Variants in PRR11 observed in about 807,000 individuals in gnomAD.
PRR11 encodes the protein proline-rich protein 11.
In PRR11, 30 loss-of-function variants were observed where a neutral mutation model predicts 45.6. That is an observed-to-expected ratio of 0.66 (90% CI 0.49 to 0.89). The LOEUF (loss-of-function observed/expected upper bound fraction) is 0.89. PRR11 is among the 40% of genes least tolerant of loss of function. The pLI, the probability that PRR11 is intolerant of heterozygous loss-of-function variation, is 0.00. For synonymous variants in PRR11, 128 were observed against 153.5 expected, an observed-to-expected ratio of 0.83 and a Z score of 1.23; for missense variants, 373 against 424.8, an observed-to-expected ratio of 0.88 and a Z score of 1.07.
intron 2 of PRR11, 34 bp from the exon 3 acceptor site, chr17:59,185,020 G>C (rs771179976): frequency 6.3e-7 from 1 of 1,599,392 alleles, no homozygotes; most frequent in Non-Finnish European, 8.5e-7. Context: ...TGACTTAGGG[G>C]TTTTTTATTT....
At chr17:59,193,412 A>G (rs2046848749) in intron 4 of PRR11, 80 bp from the exon 5 acceptor site, 2 of 1,518,138 alleles carry the variant, frequency 1.3e-6, no homozygotes, top group South Asian at 2.3e-5. Context: ...AATACATGGT[A>G]GCTATTATTT....
intron 4 of PRR11, 142 bp downstream of exon 4, chr17:59,185,704 G>A: frequency 1.4e-6 from 1 of 708,850 alleles, no homozygotes; most frequent in Non-Finnish European, 2.3e-6. Context: ...TTGTTAGCAA[G>A]GAATACAAAG....
At chr17:59,195,636 A>G (rs1184693173) in intron 7 of PRR11, among the ~76,000 whole-genome samples, 193 bp downstream of exon 7, 7 of 152,236 alleles carry the variant, frequency 4.6e-5, no homozygotes, top group African/African-American at 1.7e-4. Context: ...AAATAATCCT[A>G]TCACTGGAGA....
intron 2 of PRR11, among the ~76,000 whole-genome samples, chr17:59,180,056 A>C (rs1365128758): frequency 2.1e-5 from 3 of 144,624 alleles, no homozygotes; most frequent in Non-Finnish European, 4.5e-5. Context: ...TCCCCTCCCC[A>C]TTCTTCCATC....
At chr17:59,174,518 C>T (rs571256705) in intron 2 of PRR11, among the ~76,000 whole-genome samples, 13 of 152,162 alleles carry the variant, frequency 8.5e-5, no homozygotes, top group Admixed American at 1.3e-4. Flanking sequence ...CTCTGTTGCT[C>T]GGGCTGGAGT....
rs181487700 is a variant in PRR11, at chr17:59,205,862, A to G, written c.*4231A>G. Among the ~76,000 whole-genome samples the G allele has an allele frequency of 1.3e-5, 2 of 150,520 alleles. No homozygotes were observed. The highest frequency in any genetic ancestry group is 4.9e-5 in the African/African-American group (2 of 40,746). ...GGAGTTTGAGACCAGCCTGGCCAAC[A>G]TGGTGAAACCCCGTCTCTACCAAAA... On this transcript the variant is annotated 3_prime_UTR_variant, in exon 10 of 10. Coordinates refer to ENST00000262293, the MANE Select transcript of PRR11 (RefSeq NM_018304.4).
At chr17:59,165,950 C>T (rs980541422) in intron 1 of PRR11, among the ~76,000 whole-genome samples, 3 of 152,072 alleles carry the variant, frequency 2.0e-5, no homozygotes, top group East Asian at 1.9e-4. Flanking sequence ...TTTCTAAGCC[C>T]GTAAGGACAA....
At chr17:59,178,934 G>A (rs1218112659) in intron 2 of PRR11, among the ~76,000 whole-genome samples, 1 of 152,180 alleles carries the variant, frequency 6.6e-6, no homozygotes. Context: ...AAGTCAGCAA[G>A]AGACATTAAG....
intron 9 of PRR11, among the ~76,000 whole-genome samples, chr17:59,200,081 C>A (rs2046885111): frequency 6.6e-6 from 1 of 152,166 alleles, no homozygotes; most frequent in Non-Finnish European, 1.5e-5. Context: ...ATTGTAAAGC[C>A]ACATATTGAA....
At chr17:59,191,708 C>A (rs751447018) in intron 4 of PRR11, among the ~76,000 whole-genome samples, 25 of 152,118 alleles carry the variant, frequency 1.6e-4, no homozygotes, top group Non-Finnish European at 2.9e-4. Context: ...TTACATTACC[C>A]CTCTTTTCAA....
chr17:59,178,644 C>T (rs2046762943), intron 2 of PRR11: 3 of 514,254 alleles, frequency 5.8e-6, no homozygotes, highest in Admixed American at 3.9e-5. Context: ...ATTGCTGCCA[C>T]AGGTGAGGTG....
At chr17:59,162,855 G>C (rs1440015778) in intron 1 of PRR11, among the ~76,000 whole-genome samples, 1 of 149,596 alleles carries the variant, frequency 6.7e-6, no homozygotes, top group East Asian at 2.0e-4. Flanking sequence ...CAGCCTCCAA[G>C]TAGCTGGGAT....
In PRR11 at chr17:59,186,685, G is replaced by A. The variant is rs146356983; in HGVS notation, c.402+1123G>A. On this transcript the variant is annotated intron_variant, in intron 4 of 9. Coordinates refer to ENST00000262293, the MANE Select transcript of PRR11 (RefSeq NM_018304.4). ...GTTGGGATTGCAGGCGTGAGCCATG[G>A]CACCTGGCTTGTTTGTACATTTTTA... is the stretch of plus-strand genomic sequence containing the variant. Among the ~76,000 whole-genome samples the A allele has an allele frequency of 1.3e-4, 20 of 152,142 alleles. No homozygotes were observed. The East Asian group carries it at 2.3e-3, about 18-fold the overall frequency.
chr17:59,198,895 T>G (rs984147428), intron 9 of PRR11, among the ~76,000 whole-genome samples: 4 of 152,124 alleles, frequency 2.6e-5, no homozygotes, highest in African/African-American at 9.7e-5. Flanking sequence ...AAATGTCTGA[T>G]TTTATTAATC....
chr17:59,188,680 T>G (rs1420115157), intron 4 of PRR11, among the ~76,000 whole-genome samples: 1 of 151,990 alleles, frequency 6.6e-6, no homozygotes, highest in African/African-American at 2.4e-5. Context: ...GGCTCACACC[T>G]GTAATCCCAG....
At chr17:59,166,998 C>T (rs1429591877) in intron 1 of PRR11, among the ~76,000 whole-genome samples, 1 of 151,932 alleles carries the variant, frequency 6.6e-6, no homozygotes, top group Non-Finnish European at 1.5e-5. Context: ...CCCGTCCCCA[C>T]TAAAAATACA....
chr17:59,176,255 A>G (rs2046745038), intron 2 of PRR11, among the ~76,000 whole-genome samples: 1 of 152,122 alleles, frequency 6.6e-6, no homozygotes. Context: ...GTTTGGTTGT[A>G]GAGATTATAG....
chr17:59,204,718 A>C lies in PRR11; in HGVS notation c.*3087A>C, dbSNP rs1482336611. The C allele has an allele frequency of 6.6e-6, 1 of 152,492 alleles. No individual in the cohort carries two copies. Among genetic ancestry groups the C allele is most frequent in the Non-Finnish European group, 1.5e-5 (1 of 68,802 alleles). The allele number at this position is 152,492 out of a possible 1,614,324, so 9.4% of individuals were successfully genotyped here. A position where few individuals can be genotyped will look rare whatever the true frequency, so the allele number is the denominator to read the frequency against. On this transcript the variant is annotated 3_prime_UTR_variant, in exon 10 of 10. Transcript: ENST00000262293. ...GAGACCCTGTGTCAAAAAAAAAAAA[A>C]AGAAAGAAAGAAAGAAAAAATGCTT...
intron 2 of PRR11, among the ~76,000 whole-genome samples, chr17:59,181,096 T>G (rs1336946548): frequency 6.6e-6 from 1 of 151,412 alleles, no homozygotes; most frequent in Non-Finnish European, 1.5e-5. Flanking sequence ...TTCACGCCAT[T>G]CTGCTGCCTC....
Sources: gnomAD v4.1 joint callset for allele counts (sites outside exome capture counted in the v4.1 genomes callset) on GRCh38, gnomAD v4.1.1 for gene constraint, MANE v1.5 for transcripts, NCBI Gene and HGNC (gene_info 2026-07-23, HGNC 2026-07-21) for gene names.